The following FER variants were observed in gnomAD, a reference collection of about 807,000 sequenced individuals.
FER encodes tyrosine-protein kinase Fer.
In FER, 63 loss-of-function variants were observed where a neutral mutation model predicts 111.0. The ratio of observed to expected loss-of-function variants is 0.57; its 90% confidence interval spans 0.46 to 0.70. The LOEUF (loss-of-function observed/expected upper bound fraction) is 0.70. Ranked by LOEUF, FER falls within the 30% of genes least tolerant of loss-of-function variation. The pLI is 0.00. For synonymous variants in FER, 327 were observed against 313.9 expected (o/e 1.04, Z -0.44); for missense variants, 914 against 954.0 (o/e 0.96, Z 0.55).
Position 109,086,814 on chromosome 5 carries a change from G to A in FER, c.1925-13582G>A, listed in dbSNP as rs74496583. Reference sequence around the variant, plus strand: ...AGAGCTTCCATACAAAGTACCAAGTGACTTAACAAAAATTTTTTTCCCATA... The same window carrying A: ...AGAGCTTCCATACAAAGTACCAAGTAACTTAACAAAAATTTTTTTCCCATA... On this transcript the variant is annotated intron_variant, in intron 16 of 19. Transcript: ENST00000281092. Among the ~76,000 whole-genome samples the A allele has an allele frequency of 6.8e-3, 1,031 of 151,086 alleles. 16 individuals carry two copies. The highest frequency in any genetic ancestry group is 0.024 in the African/African-American group (987 of 41,240).
intron 13 of FER, among the ~76,000 whole-genome samples, chr5:109,034,954 T>C (rs914885825): frequency 2.0e-5 from 3 of 151,982 alleles, no homozygotes; most frequent in Non-Finnish European, 4.4e-5. Context: ...AAATGAACTT[T>C]ATGGATGTGT....
chr5:109,000,820 A>G (rs1764671097), intron 13 of FER, among the ~76,000 whole-genome samples: 1 of 152,182 alleles, frequency 6.6e-6, no homozygotes, highest in Non-Finnish European at 1.5e-5. Context: ...GACAAAAGGG[A>G]TATCACCACC....
chr5:108,774,092 C>G (rs1385540208), intron 2 of FER, among the ~76,000 whole-genome samples: 1 of 151,926 alleles, frequency 6.6e-6, no homozygotes, highest in African/African-American at 2.4e-5. Context: ...GTGTTGTTCC[C>G]CTCCCTGTGT....
At chr5:108,943,000 G>A (rs1017461862) in intron 10 of FER, among the ~76,000 whole-genome samples, 7 of 152,082 alleles carry the variant, frequency 4.6e-5, no homozygotes, top group Non-Finnish European at 7.4e-5. Context: ...GTCCAAGAAT[G>A]TTATTAGATT....
intron 5 of FER, among the ~76,000 whole-genome samples, chr5:108,849,001 G>A (rs1215832978): frequency 4.0e-5 from 6 of 150,876 alleles, no homozygotes; most frequent in South Asian, 2.1e-4. Flanking sequence ...GCCTTGTCAC[G>A]GAGAAATCTG....
chr5:108,961,097 T>TAAAG (rs1759088176), intron 13 of FER, among the ~76,000 whole-genome samples: 1 of 146,874 alleles, frequency 6.8e-6, no homozygotes, highest in Non-Finnish European at 1.5e-5. Context: ...CTAAATAAAG[T>TAAAG]GTTTTGTATG....
chr5:109,047,107 T>A lies in FER; in HGVS notation c.1833T>A (p.Ile611=). The change falls in exon 16 of 20, where the codon ATT becomes ATA. Residue 611 remains isoleucine, a synonymous_variant. Transcript: ENST00000281092. ...LKIKFLQEAK[I]LKQYDHPNIV... ...CGTATATTTTCATCTCATCTAGAAT[T>A]CTCAAGCAATATGATCATCCCAATA... The A allele has an allele frequency of 6.5e-7, 1 of 1,549,050 alleles. No homozygotes were observed. Among genetic ancestry groups the A allele is most frequent in the Non-Finnish European group, 8.8e-7 (1 of 1,131,668 alleles).
intron 13 of FER, among the ~76,000 whole-genome samples, chr5:109,024,544 T>C (rs1768396067): frequency 1.3e-5 from 2 of 152,212 alleles, no homozygotes; most frequent in Non-Finnish European, 2.9e-5. Flanking sequence ...AGACCCCTTC[T>C]TCATAATGGC....
At chr5:109,156,971 C>G (rs1308262405) in intron 17 of FER, among the ~76,000 whole-genome samples, 1 of 151,912 alleles carries the variant, frequency 6.6e-6, no homozygotes, top group Non-Finnish European at 1.5e-5. Flanking sequence ...CTAATGGAGT[C>G]CATGGAGAAG....
intron 10 of FER, among the ~76,000 whole-genome samples, chr5:108,905,985 C>T (rs1161979655): frequency 4.6e-5 from 7 of 152,112 alleles, no homozygotes; most frequent in Non-Finnish European, 1.0e-4. Flanking sequence ...AGAATCTTTG[C>T]TCTAGGGAGA....
chr5:108,918,408 T>C (rs1752541252), intron 10 of FER, among the ~76,000 whole-genome samples: 1 of 152,152 alleles, frequency 6.6e-6, no homozygotes, highest in Non-Finnish European at 1.5e-5. Flanking sequence ...GGCCTAAGAA[T>C]GCAGCTGTCT....
At chr5:109,047,607 T>C (rs776845035) in intron 16 of FER, among the ~76,000 whole-genome samples, 17 of 151,670 alleles carry the variant, frequency 1.1e-4, no homozygotes, top group Middle Eastern at 3.4e-3. Context: ...TAATTTTTAA[T>C]TTTTTTTTGT....
chr5:108,878,312 A>C (rs1201673106), intron 8 of FER, among the ~76,000 whole-genome samples: 2 of 152,198 alleles, frequency 1.3e-5, no homozygotes, highest in African/African-American at 4.8e-5. Context: ...ATAAAAATTA[A>C]CATTTTCCTT....
At chr5:108,868,749 G>A (rs1484894985) in intron 6 of FER, among the ~76,000 whole-genome samples, 1 of 152,080 alleles carries the variant, frequency 6.6e-6, no homozygotes, top group Non-Finnish European at 1.5e-5. Flanking sequence ...TTCAAAAAAA[G>A]TAGTGAAGTA....
intron 3 of FER, among the ~76,000 whole-genome samples, chr5:108,831,980 TA>T (rs111929188): frequency 9.9e-5 from 15 of 151,554 alleles, no homozygotes; most frequent in South Asian, 2.1e-4. Context: ...CTTTTTTTTT[TA>T]AAAGTATGTG....
intron 16 of FER, among the ~76,000 whole-genome samples, chr5:109,081,588 A>G (rs192230823): frequency 1.9e-3 from 283 of 152,128 alleles, no homozygotes; most frequent in African/African-American, 6.4e-3. Flanking sequence ...TATTCTCAGT[A>G]TTATATTGAA....
At chr5:108,991,512 G>C (rs1234798406) in intron 13 of FER, among the ~76,000 whole-genome samples, 4 of 152,040 alleles carry the variant, frequency 2.6e-5, no homozygotes, top group Non-Finnish European at 5.9e-5. Context: ...CAGCTTTTCA[G>C]ATCGTATACT....
chr5:108,810,077 T>G (rs1311384947), intron 3 of FER, among the ~76,000 whole-genome samples: 2 of 151,924 alleles, frequency 1.3e-5, no homozygotes, highest in African/African-American at 2.4e-5. Flanking sequence ...TTTCTTTCTT[T>G]TCTTGTGATA....
At chr5:108,872,834 T>G (rs1441859845) in intron 8 of FER, among the ~76,000 whole-genome samples, 1 of 152,218 alleles carries the variant, frequency 6.6e-6, no homozygotes, top group African/African-American at 2.4e-5. Context: ...ACCTATCTCT[T>G]GATTTTGTGT....
Sources: gnomAD v4.1 joint callset for allele counts (sites outside exome capture counted in the v4.1 genomes callset) on GRCh38, gnomAD v4.1.1 for gene constraint, MANE v1.5 for transcripts, NCBI Gene and HGNC (gene_info 2026-07-23, HGNC 2026-07-21) for gene names.